Variants in DENND3 observed in about 807,000 individuals in gnomAD.
The protein encoded by DENND3 is DENN domain-containing protein 3.
Under a neutral mutation model 135.1 loss-of-function variants are expected in DENND3, and 88 were observed. The ratio of observed to expected loss-of-function variants is 0.65; its 90% CI spans 0.55 to 0.78. DENND3 has a LOEUF of 0.78. Among genes scored for constraint, DENND3 ranks in the 30% least tolerant of loss-of-function variants. The pLI is 0.00. For synonymous variants in DENND3, 693 were observed against 712.3 expected (o/e 0.97, Z 0.43); for missense variants, 1,392 against 1,688.4 (o/e 0.82, Z 3.08).
intron 4 of DENND3, chr8:141,142,088 A>G: frequency 3.3e-6 from 1 of 303,848 alleles, no homozygotes; most frequent in Non-Finnish European, 6.4e-6. Context: ...GATGGTGAGT[A>G]GAAAGGCTGA....
intron 4 of DENND3, among the ~76,000 whole-genome samples, chr8:141,143,594 G>A (rs965502727): frequency 1.3e-5 from 2 of 151,940 alleles, no homozygotes; most frequent in African/African-American, 4.8e-5. Context: ...TTGTAGAGAC[G>A]GGGGTCTCAC....
chr8:141,194,356 GC>G lies in DENND3; in HGVS notation c.*126del. On this transcript the variant is annotated 3_prime_UTR_variant, in exon 23 of 23. Transcript: ENST00000519811. ...CAGAGCAGCCCAGGCTCAGCATGGA[GC>G]CCACTTACCGTGTGGCCAGCCGCGA... 8.2e-7 allele frequency: 1 copy of G among 1,223,050 alleles called. No homozygotes were observed. Among genetic ancestry groups the G allele is most frequent in the Non-Finnish European group, 1.1e-6 (1 of 880,308 alleles). 75.8% of individuals were successfully genotyped at this position (1,223,050 alleles called of 1,614,324 possible).
chr8:141,160,782 C>CT lies in DENND3; in HGVS notation c.1349dup (p.Arg451GlnfsTer10). 1 of 1,609,068 alleles carries CT rather than the reference C, an allele frequency of 6.2e-7. No homozygotes were observed. Among genetic ancestry groups the CT allele is most frequent in the East Asian group, 2.2e-5 (1 of 44,762 alleles). On this transcript the variant is annotated frameshift_variant, in exon 9 of 23. Coordinates refer to ENST00000519811, the MANE Select transcript of DENND3 (RefSeq NM_001352890.3). LOFTEE classifies it high-confidence loss of function. Reference sequence around the variant, plus strand: ...CCACCCTGCAGCTGCTCGTGAGCATCTTCAGGTACGTGAGAGAACATTCCC... The same window carrying CT: ...CCACCCTGCAGCTGCTCGTGAGCATCTTTCAGGTACGTGAGAGAACATTCCC...
chr8:141,151,883 C>G, intron 7 of DENND3, 46 bp downstream of exon 7: 1 of 1,597,722 alleles, frequency 6.3e-7, no homozygotes, highest in Non-Finnish European at 8.6e-7. Flanking sequence ...TCCTGTGAGT[C>G]CATCACGGGG....
intron 8 of DENND3, among the ~76,000 whole-genome samples, chr8:141,156,390 A>G (rs905701689): frequency 1.3e-5 from 2 of 152,160 alleles, no homozygotes; most frequent in Non-Finnish European, 2.9e-5. Flanking sequence ...GCACCTGGCC[A>G]TGAATATTTT....
At chr8:141,163,145 G>A (rs1353895623) in intron 9 of DENND3, among the ~76,000 whole-genome samples, 188 bp from the exon 10 acceptor site, 2 of 152,210 alleles carry the variant, frequency 1.3e-5, no homozygotes, top group African/African-American at 4.8e-5. Context: ...CGTTCTAGCT[G>A]GGGGAAATTT....
chr8:141,180,905 C>A, intron 17 of DENND3, 51 bp downstream of exon 17: 1 of 1,504,638 alleles, frequency 6.6e-7, no homozygotes, highest in Non-Finnish European at 9.1e-7. Context: ...CAATCTGATG[C>A]GCTTAGGTTT....
At chr8:141,176,947 A>G in intron 15 of DENND3, 186 bp downstream of exon 15, 1 of 653,244 alleles carries the variant, frequency 1.5e-6, no homozygotes, top group Non-Finnish European at 2.6e-6. Flanking sequence ...TGACCCAGCG[A>G]GAGGCCTCAC....
rs1463605803 is a variant in DENND3, at chr8:141,168,726, T to C, written c.2275+201T>C. On this transcript the variant is annotated intron_variant, in intron 13 of 22. Transcript: ENST00000519811. This position sits in a 1 kb window ranked among gnomAD's most constrained non-coding sequence, Gnocchi z 6.2. ...ACACCGTGCCCGGCTAATTTTAGTATTTTTTGTAGAGACAGGGTTTCAGTA... is the reference window on the plus strand; with the variant it reads ...ACACCGTGCCCGGCTAATTTTAGTACTTTTTGTAGAGACAGGGTTTCAGTA... Among the ~76,000 whole-genome samples, 2 of 152,062 alleles carry C rather than the reference T, an allele frequency of 1.3e-5. No homozygotes were observed. The highest frequency in any genetic ancestry group is 4.8e-5 in the African/African-American group (2 of 41,402).
intron 1 of DENND3, among the ~76,000 whole-genome samples, chr8:141,131,355 G>T (rs1226680933): frequency 6.6e-6 from 1 of 152,184 alleles, no homozygotes; most frequent in East Asian, 1.9e-4. Context: ...TGAGTACCTT[G>T]CGTAGTACAG....
intron 7 of DENND3, 135 bp from the exon 8 acceptor site, chr8:141,155,714 G>A: frequency 8.4e-7 from 1 of 1,186,648 alleles, no homozygotes; most frequent in Non-Finnish European, 1.1e-6. Context: ...GCCTATGTGT[G>A]CATTTTAAAG....
chr8:141,139,546 G>T lies in DENND3; in HGVS notation c.501+1409G>T, dbSNP rs914663241. On this transcript the variant is annotated intron_variant, in intron 3 of 22. Transcript: ENST00000519811. The surrounding 1 kb of genome is among the most constrained non-coding windows in gnomAD (Gnocchi z 4.2). Reference sequence around the variant, plus strand: ...CCTTTCTTCCAGGGTTATGTTAATGGAGGGATGAGAGGAAGGTGCCCCTCC... The same window carrying T: ...CCTTTCTTCCAGGGTTATGTTAATGTAGGGATGAGAGGAAGGTGCCCCTCC... 6.6e-6 allele frequency among the ~76,000 whole-genome samples: 1 copy of T among 152,192 alleles called. No homozygotes were observed. The highest frequency in any genetic ancestry group is 6.5e-5 in the Admixed American group (1 of 15,286).
At position 141,166,369 on chromosome 8, in the gene DENND3, G is replaced by A; in HGVS notation, c.1733G>A (p.Gly578Asp). Residue 578 changes from glycine to aspartate, a missense_variant, in exon 12 of 23, where the codon GGC becomes GAC. Physicochemically the swap from Gly to Asp is moderately conservative, Grantham distance 94. Transcript: ENST00000519811. This position sits in a 1 kb window ranked among gnomAD's most constrained non-coding sequence, Gnocchi z 4.3. ...TCGCTCCGGCTGACGGACACCGCAG[G>A]CTGTAGGGGCAGCAGCGCAGGTGAG... Reference protein sequence around the residue: ...NSSLRLTDTAGCRGSSAVLNV... With the variant: ...NSSLRLTDTADCRGSSAVLNV... 2 of 1,612,376 alleles carry A rather than the reference G, an allele frequency of 1.2e-6. No homozygotes were observed. Among genetic ancestry groups the A allele is most frequent in the Non-Finnish European group, 1.7e-6 (2 of 1,179,916 alleles).
At chr8:141,135,310 C>A (rs2154612681) in intron 1 of DENND3, among the ~76,000 whole-genome samples, 1 of 152,224 alleles carries the variant, frequency 6.6e-6, no homozygotes, top group Non-Finnish European at 1.5e-5. Context: ...TGCCACTATG[C>A]CTGGCTAATT....
At chr8:141,170,967 T>G (rs1821476205) in intron 13 of DENND3, among the ~76,000 whole-genome samples, 1 of 152,140 alleles carries the variant, frequency 6.6e-6, no homozygotes, top group Admixed American at 6.5e-5. Flanking sequence ...TTCCTCTCAT[T>G]GGGCAGAATC....
chr8:141,152,201 C>T lies in DENND3; in HGVS notation c.1074+364C>T, dbSNP rs144485029. On this transcript the variant is annotated intron_variant, in intron 7 of 22. Transcript: ENST00000519811. ...TAGTTGGTGAGCTGATGGATTTGTG[C>T]TAAATATTGCAATGATGCCAGGAGG... is the stretch of plus-strand genomic sequence containing the variant. Among the ~76,000 whole-genome samples the T allele has an allele frequency of 2.6e-5, 4 of 152,310 alleles. No homozygotes were observed. In the East Asian group the frequency reaches 5.8e-4, roughly 22 times the overall value.
chr8:141,139,327 A>G lies in DENND3; in HGVS notation c.501+1190A>G, dbSNP rs931120658. On this transcript the variant is annotated intron_variant, in intron 3 of 22. Coordinates refer to ENST00000519811, the MANE Select transcript of DENND3 (RefSeq NM_001352890.3). This position sits in a 1 kb window ranked among gnomAD's most constrained non-coding sequence, Gnocchi z 4.2. The stretch of plus-strand genomic sequence containing the variant: ...TGTCCCTGTAAGCTCATGGGGCAGC[A>G]CAGACAGGCCCGGATGTTCTTAATG... Among the ~76,000 whole-genome samples, 1 of 152,228 alleles carries G rather than the reference A, an allele frequency of 6.6e-6. No homozygotes were observed. The highest frequency in any genetic ancestry group is 1.5e-5 in the Non-Finnish European group (1 of 68,036).
rs984291314 is a variant in DENND3 at position 141,137,864 on chromosome 8, C to T, written c.386-158C>T. ...GAGGGACTCAGGGAGGATAGACGGC[C>T]GGAGGCGTGATCGGAAGAATGAACC... On this transcript the variant is annotated intron_variant, in intron 2 of 22. Coordinates refer to ENST00000519811, the MANE Select transcript of DENND3 (RefSeq NM_001352890.3). This position sits in a 1 kb window ranked among gnomAD's most constrained non-coding sequence, Gnocchi z 4.1. Among the ~76,000 whole-genome samples, 1 of 152,150 alleles carries T rather than the reference C, an allele frequency of 6.6e-6. No individual in the cohort carries two copies. The highest frequency in any genetic ancestry group is 2.4e-5 in the African/African-American group (1 of 41,430).
intron 16 of DENND3, among the ~76,000 whole-genome samples, chr8:141,180,130 G>A (rs73713351): frequency 0.033 from 5,007 of 152,294 alleles, 199 homozygotes; most frequent in African/African-American, 0.093. Context: ...AACGGGGGGC[G>A]ATGTTGCACC....
Sources: allele counts gnomAD v4.1 joint callset (sites outside exome capture counted in the v4.1 genomes callset), GRCh38; gene constraint gnomAD v4.1.1; non-coding constraint Gnocchi (gnomAD v3.1); transcripts MANE v1.5; gene names NCBI Gene and HGNC (gene_info 2026-07-23, HGNC 2026-07-21).